Variants in PTPRC observed in about 807,000 individuals in gnomAD.
PTPRC encodes receptor-type tyrosine-protein phosphatase C.
Under a neutral mutation model 155.9 loss-of-function variants are expected in PTPRC, and 44 were observed. That is an observed-to-expected ratio of 0.28 (90% CI 0.22 to 0.36). The LOEUF (loss-of-function observed/expected upper bound fraction) is 0.36. Ranked by LOEUF, PTPRC falls within the 10% of genes least tolerant of loss-of-function variation. The pLI is 1.00. For synonymous variants in PTPRC, 525 were observed against 533.1 expected, an observed-to-expected ratio of 0.98 and a Z score of 0.21; for missense variants, 1,401 against 1,564.6, an observed-to-expected ratio of 0.90 and a Z score of 1.76.
At chr1:198,736,250 AC>A (rs1241870631) in intron 23 of PTPRC, among the ~76,000 whole-genome samples, 1 of 151,518 alleles carries the variant, frequency 6.6e-6, no homozygotes, top group Non-Finnish European at 1.5e-5. Context: ...TTGAATAGTC[AC>A]CCTGTTGTGC....
At chr1:198,650,366 G>C (rs1467819980) in intron 2 of PTPRC, among the ~76,000 whole-genome samples, 1 of 151,856 alleles carries the variant, frequency 6.6e-6, no homozygotes, top group South Asian at 2.1e-4. Context: ...AAGCAGTTAT[G>C]AGGAGACTGA....
Position 198,703,353 on chromosome 1 carries a change from C to G in PTPRC, c.639C>G (p.Val213=). ...CTCTGAGCCCTTCTGGAAGCGCTGT[C>G]ATTTCAACCACAACAATAGGTGATA... is the stretch of plus-strand genomic sequence containing the variant. ...TTTLSPSGSA[V]ISTTTIATTP... is the part of the protein sequence containing the mutation. The change falls in exon 7 of 33, where the codon GTC becomes GTG. Residue 213 remains valine (V), a synonymous_variant. Coordinates refer to ENST00000442510, the MANE Select transcript of PTPRC (RefSeq NM_002838.5). 6.2e-7 allele frequency: 1 copy of G among 1,613,136 alleles called. No individual in the cohort carries two copies. The highest frequency in any genetic ancestry group is 8.5e-7 in the Non-Finnish European group (1 of 1,180,026).
chr1:198,735,064 A>C (rs760349032), intron 22 of PTPRC, 63 bp from the exon 23 acceptor site: 2 of 1,404,708 alleles, frequency 1.4e-6, no homozygotes, highest in Non-Finnish European at 1.9e-6. Flanking sequence ...TGTTTAAAGA[A>C]AGTTTGATAA....
chr1:198,744,030 C>T, intron 25 of PTPRC, 24 bp from the exon 26 acceptor site: 2 of 1,574,210 alleles, frequency 1.3e-6, no homozygotes, highest in Non-Finnish European at 1.7e-6. Flanking sequence ...AGTTAACTAT[C>T]TGTATTTGTT....
In PTPRC at chr1:198,755,889, C is replaced by CTT. The variant is rs1553246470; in HGVS notation, c.3646-16_3646-15dup. The CTT allele has an allele frequency of 6.3e-7, 1 of 1,599,956 alleles. No homozygotes were observed. The highest frequency in any genetic ancestry group is 8.6e-7 in the Non-Finnish European group (1 of 1,167,874). ...TCAACTTTCTTCATGTAATTTCCCA[C>CTT]TTAATTCCTTTACTAGGAGCAATAT... is the stretch of plus-strand genomic sequence containing the variant. On this transcript the variant is annotated splice_polypyrimidine_tract_variant and intron_variant, in intron 32 of 32. Coordinates refer to ENST00000442510, the MANE Select transcript of PTPRC (RefSeq NM_002838.5).
intron 2 of PTPRC, among the ~76,000 whole-genome samples, chr1:198,654,136 T>A (rs1663406913): frequency 6.6e-6 from 1 of 151,876 alleles, no homozygotes. Flanking sequence ...TTTAATTAAA[T>A]GCATTTTAAA....
At chr1:198,647,719 A>C (rs1211199887) in intron 2 of PTPRC, among the ~76,000 whole-genome samples, 1 of 151,860 alleles carries the variant, frequency 6.6e-6, no homozygotes, top group East Asian at 1.9e-4. Context: ...GGATCTAAAA[A>C]CTTTTTGAGT....
intron 23 of PTPRC, among the ~76,000 whole-genome samples, chr1:198,740,915 A>G (rs1236177610): frequency 6.6e-6 from 1 of 151,824 alleles, no homozygotes; most frequent in Non-Finnish European, 1.5e-5. Flanking sequence ...TTATTTTTGT[A>G]TAGTCTAGCT....
Position 198,708,134 on chromosome 1 carries a change from G to A in PTPRC, c.906G>A (p.Gly302=). 1 of 1,602,376 alleles carries A rather than the reference G, an allele frequency of 6.2e-7. No individual in the cohort carries two copies. The highest frequency in any genetic ancestry group is 1.3e-5 in the African/African-American group (1 of 74,668). The change falls in exon 10 of 33, where the codon GGG becomes GGA. Residue 302 remains glycine, a splice_region_variant and synonymous_variant. Transcript: ENST00000442510. The stretch of plus-strand genomic sequence containing the variant: ...TTTATTTCTGTATCTTCTTGTCAGG[G>A]GTTGAAAAGTTTCAGTTACATGATT... The part of the protein sequence containing the change: ...DKTLILDVPP[G]VEKFQLHDCT...
chr1:198,743,894 G>T (rs1244322260), intron 25 of PTPRC, among the ~76,000 whole-genome samples, 160 bp from the exon 26 acceptor site: 1 of 151,812 alleles, frequency 6.6e-6, no homozygotes, highest in Non-Finnish European at 1.5e-5. Flanking sequence ...AACTCTGAGA[G>T]TGAACTTCCA....
intron 2 of PTPRC, among the ~76,000 whole-genome samples, chr1:198,669,131 TG>T (rs1428033605): frequency 6.6e-6 from 1 of 152,180 alleles, no homozygotes; most frequent in Non-Finnish European, 1.5e-5. Flanking sequence ...ACTAGCAGAT[TG>T]GGCAAAAATT....
intron 2 of PTPRC, among the ~76,000 whole-genome samples, chr1:198,668,307 A>G (rs1249259514): frequency 7.2e-5 from 11 of 152,166 alleles, no homozygotes; most frequent in Non-Finnish European, 1.0e-4. Flanking sequence ...CAGCCTCCTG[A>G]GTATAGTCAC....
intron 12 of PTPRC, among the ~76,000 whole-genome samples, chr1:198,714,989 A>G (rs982908030): frequency 6.6e-6 from 1 of 152,172 alleles, no homozygotes; most frequent in East Asian, 1.9e-4. Context: ...TAAAGATTTT[A>G]TCAACTATTT....
In PTPRC at chr1:198,708,395, T is replaced by C. The variant is rs903972045; in HGVS notation, c.1033+134T>C. The stretch of plus-strand genomic sequence containing the variant: ...TTCTCCCTCTGTTTGTCTTTTTTCT[T>C]TCTTGTCTTTTTCTTGGTCTGTGGT... On this transcript the variant is annotated intron_variant, in intron 10 of 32. Coordinates refer to ENST00000442510, the MANE Select transcript of PTPRC (RefSeq NM_002838.5). 8.2e-6 allele frequency: 7 copies of C among 848,784 alleles called. No individual in the cohort carries two copies. In the Admixed American group the frequency reaches 1.2e-4, roughly 14 times the overall value. 52.6% of individuals were successfully genotyped at this position (848,784 alleles called of 1,614,324 possible). A position where few individuals can be genotyped will look rare whatever the true frequency, so the allele number is the denominator to read the frequency against.
At chr1:198,704,197 A>G (rs1229732951) in intron 7 of PTPRC, among the ~76,000 whole-genome samples, 1 of 152,216 alleles carries the variant, frequency 6.6e-6, no homozygotes, top group African/African-American at 2.4e-5. Flanking sequence ...CCATGTTGCC[A>G]TACCGCCAAT....
At chr1:198,727,991 A>G (rs1263785553) in intron 15 of PTPRC, among the ~76,000 whole-genome samples, 2 of 152,182 alleles carry the variant, frequency 1.3e-5, no homozygotes, top group Non-Finnish European at 2.9e-5. Context: ...AAAATTTATA[A>G]TAACTGGATT....
chr1:198,665,364 T>C (rs1361847231), intron 2 of PTPRC, among the ~76,000 whole-genome samples: 1 of 151,922 alleles, frequency 6.6e-6, no homozygotes. Flanking sequence ...TAAAAATAGA[T>C]TTTATTTTTT....
intron 2 of PTPRC, among the ~76,000 whole-genome samples, chr1:198,645,683 C>A (rs1662902582): frequency 6.6e-6 from 1 of 151,796 alleles, no homozygotes; most frequent in Non-Finnish European, 1.5e-5. Context: ...CAAATGATAT[C>A]TCTTCCTTTC....
chr1:198,743,980 A>G (rs1168256194), intron 25 of PTPRC, 74 bp from the exon 26 acceptor site: 3 of 1,394,134 alleles, frequency 2.2e-6, no homozygotes, highest in Non-Finnish European at 3.0e-6. Context: ...TGGGGAATGT[A>G]TATTTTATTT....
Sources: gnomAD v4.1 joint callset for allele counts (sites outside exome capture counted in the v4.1 genomes callset) on GRCh38, gnomAD v4.1.1 for gene constraint, MANE v1.5 for transcripts, NCBI Gene and HGNC (gene_info 2026-07-23, HGNC 2026-07-21) for gene names.